SEMA3E: variants seen among roughly 807,000 people sequenced by gnomAD.
SEMA3E encodes semaphorin 3E, also known as semaphorin-3E.
SEMA3E carries 49 observed loss-of-function variants against 93.6 expected under a neutral mutation model. The ratio of observed to expected loss-of-function variants is 0.52; its 90% CI spans 0.42 to 0.66. The LOEUF (loss-of-function observed/expected upper bound fraction) is 0.66. SEMA3E is among the 30% of genes least tolerant of loss of function. The pLI is 0.00. For missense variants in SEMA3E, 906 were observed against 964.8 expected (o/e 0.94, Z 0.81); for synonymous variants, 363 against 330.7 (o/e 1.10, Z -1.06).
chr7:83,481,880 T>C (rs1790152465), intron 2 of SEMA3E, among the ~76,000 whole-genome samples: 1 of 152,332 alleles, frequency 6.6e-6, no homozygotes, highest in East Asian at 1.9e-4. Flanking sequence ...GGTTATTATT[T>C]AGAAAATAAT....
intron 1 of SEMA3E, among the ~76,000 whole-genome samples, chr7:83,511,737 G>GA (rs550521849): frequency 1.3e-5 from 2 of 151,416 alleles, no homozygotes; most frequent in African/African-American, 4.9e-5. Context: ...ATACAAAAAA[G>GA]AAAAAAAATT....
Position 83,407,195 on chromosome 7 carries a change from T to C in SEMA3E, c.715A>G (p.Arg239Gly), listed in dbSNP as rs1788346704. The C allele has an allele frequency of 6.2e-7, 1 of 1,613,356 alleles. No homozygotes were observed. Among genetic ancestry groups the C allele is most frequent in the African/African-American group, 1.3e-5 (1 of 74,912 alleles). The part of the protein sequence containing the change: ...GSYMIPDNED[R>G]DDNKVYFFFT... Reference sequence around the variant, plus strand: ...AAGAAATATACTTTGTTGTCATCTCTGTCTTCATTGTCAGGAATCATGTAT... The same window carrying C: ...AAGAAATATACTTTGTTGTCATCTCCGTCTTCATTGTCAGGAATCATGTAT... Residue 239 changes from arginine (R) to glycine (G), a missense_variant, in exon 7 of 17, where the codon AGA (arginine) becomes GGA (glycine). By Grantham distance (125) the Arg-to-Gly change is moderately radical. Coordinates refer to ENST00000643230, the MANE Select transcript of SEMA3E (RefSeq NM_012431.3).
At chr7:83,588,506 A>G (rs567258802) in intron 1 of SEMA3E, among the ~76,000 whole-genome samples, 76 of 152,320 alleles carry the variant, frequency 5.0e-4, no homozygotes, top group Middle Eastern at 3.4e-3. Context: ...TCAGAGAAAG[A>G]GGGAATACCC....
chr7:83,568,824 T>C (rs1584336678), intron 1 of SEMA3E, among the ~76,000 whole-genome samples: 1 of 152,246 alleles, frequency 6.6e-6, no homozygotes, highest in Non-Finnish European at 1.5e-5. Context: ...AAGGCAAGGA[T>C]GCCCTCTTTT....
At chr7:83,602,518 G>C (rs556339115) in intron 1 of SEMA3E, among the ~76,000 whole-genome samples, 1 of 149,528 alleles carries the variant, frequency 6.7e-6, no homozygotes, top group Admixed American at 6.7e-5. Flanking sequence ...TTCCTCTGTC[G>C]CCAGGCTGGA....
chr7:83,364,321 T>C lies in SEMA3E; in HGVS notation c.*3265A>G, dbSNP rs1794634692. The C allele has an allele frequency of 6.6e-6, 1 of 152,204 alleles. No individual in the cohort carries two copies. Among genetic ancestry groups the C allele is most frequent in the African/African-American group, 2.4e-5 (1 of 41,448 alleles). The allele number at this position is 152,204 out of a possible 1,614,324, so 9.4% of individuals were successfully genotyped here. ...ATTACTATGAAGATTTACAAAACCCTAAAACCTATAGCAAATATCGAACAC... is the reference window on the plus strand; with the variant it reads ...ATTACTATGAAGATTTACAAAACCCCAAAACCTATAGCAAATATCGAACAC... On this transcript the variant is annotated 3_prime_UTR_variant, in exon 17 of 17. Coordinates refer to ENST00000643230, the MANE Select transcript of SEMA3E (RefSeq NM_012431.3).
At chr7:83,475,664 A>G (rs1789994758) in intron 2 of SEMA3E, among the ~76,000 whole-genome samples, 1 of 152,060 alleles carries the variant, frequency 6.6e-6, no homozygotes, top group African/African-American at 2.4e-5. Context: ...TGCCATGAGT[A>G]ATAGTCTTTC....
chr7:83,372,165 T>G (rs1794757876), intron 16 of SEMA3E: 2 of 396,990 alleles, frequency 5.0e-6, no homozygotes, highest in South Asian at 2.6e-4. Context: ...CAAAAGATAT[T>G]AAAAACTTCC....
At chr7:83,378,562 A>G (rs1004099049) in intron 16 of SEMA3E, among the ~76,000 whole-genome samples, 2 of 151,968 alleles carry the variant, frequency 1.3e-5, no homozygotes, top group Non-Finnish European at 2.9e-5. Flanking sequence ...AGCACCATTC[A>G]TCACTTAACC....
intron 1 of SEMA3E, among the ~76,000 whole-genome samples, chr7:83,541,862 G>A (rs1180174935): frequency 7.0e-6 from 1 of 142,364 alleles, no homozygotes; most frequent in African/African-American, 2.5e-5. Context: ...ATCCTCTCAT[G>A]TTTCCAAGAA....
At chr7:83,491,126 G>A (rs941142581) in intron 1 of SEMA3E, among the ~76,000 whole-genome samples, 2 of 152,022 alleles carry the variant, frequency 1.3e-5, no homozygotes, top group Non-Finnish European at 2.9e-5. Flanking sequence ...AATGCCTAAT[G>A]CATCTAACAG....
intron 3 of SEMA3E, among the ~76,000 whole-genome samples, chr7:83,467,002 G>C (rs978991006): frequency 1.3e-5 from 2 of 149,900 alleles, no homozygotes; most frequent in East Asian, 3.9e-4. Context: ...TCAGCATAAA[G>C]TCATTAAAAC....
intron 1 of SEMA3E, among the ~76,000 whole-genome samples, chr7:83,491,184 T>A (rs774263125): frequency 2.6e-5 from 4 of 152,198 alleles, no homozygotes; most frequent in Middle Eastern, 3.4e-3. Context: ...AAACAAATGA[T>A]AATATAAAGT....
At chr7:83,589,402 A>C (rs763439110) in intron 1 of SEMA3E, among the ~76,000 whole-genome samples, 5 of 152,134 alleles carry the variant, frequency 3.3e-5, no homozygotes, top group African/African-American at 1.2e-4. Context: ...TAAAGATTTG[A>C]GTTTCATAGA....
At chr7:83,469,630 C>T (rs1325089312) in intron 2 of SEMA3E, among the ~76,000 whole-genome samples, 1 of 152,080 alleles carries the variant, frequency 6.6e-6, no homozygotes, top group Non-Finnish European at 1.5e-5. Context: ...CAGGCACCTC[C>T]TGCAGTTTCT....
chr7:83,612,638 C>A (rs1005222000), intron 1 of SEMA3E: 6 of 152,042 alleles, frequency 3.9e-5, no homozygotes, highest in African/African-American at 1.4e-4. Flanking sequence ...GTAGGTTCGT[C>A]CAGTTTGAAC....
intron 1 of SEMA3E, among the ~76,000 whole-genome samples, chr7:83,497,841 A>C (rs1454261374): frequency 6.6e-6 from 1 of 152,192 alleles, no homozygotes. Context: ...TCAGTCATAA[A>C]CCACTTTCCA....
chr7:83,367,531 CTTT>C lies in SEMA3E; in HGVS notation c.*52_*54del. ...AGAAGTTGGATGATTTATTTTTTTA[CTTT>C]TTTACTTTCCAAATATAAATTCTTC... On this transcript the variant is annotated 3_prime_UTR_variant, in exon 17 of 17. Transcript: ENST00000643230. 6.4e-7 allele frequency: 1 copy of C among 1,568,800 alleles called. No individual in the cohort carries two copies. Among genetic ancestry groups the C allele is most frequent in the Non-Finnish European group, 8.8e-7 (1 of 1,140,388 alleles).
At chr7:83,481,899 A>C in intron 2 of SEMA3E, among the ~76,000 whole-genome samples, 1 of 152,194 alleles carries the variant, frequency 6.6e-6, no homozygotes, top group East Asian at 1.9e-4. Flanking sequence ...ATTATTTAGT[A>C]CCACATATAG....
Sources: allele counts gnomAD v4.1 joint callset (sites outside exome capture counted in the v4.1 genomes callset), GRCh38; gene constraint gnomAD v4.1.1; transcripts MANE v1.5; gene names NCBI Gene and HGNC (gene_info 2026-07-23, HGNC 2026-07-21).